Variants in DMBT1 observed in about 807,000 individuals in gnomAD.
DMBT1 encodes the protein scavenger receptor cysteine-rich domain-containing protein DMBT1.
Under a neutral mutation model 252.9 loss-of-function variants are expected in DMBT1, and 198 were observed. The ratio of observed to expected loss-of-function variants is 0.78; its 90% CI spans 0.70 to 0.88. The LOEUF (loss-of-function observed/expected upper bound fraction) is 0.88, where lower values mean the gene tolerates loss of function less well. DMBT1 is among the 40% of genes least tolerant of loss of function. DMBT1 has a pLI of 0.00. For synonymous variants in DMBT1, 990 were observed against 942.7 expected (o/e 1.05, Z -0.92); for missense variants, 2,432 against 2,404.7 (o/e 1.01, Z -0.24).
chr10:122,577,638 G>T (rs963159364), intron 7 of DMBT1, among the ~76,000 whole-genome samples, 173 bp from the exon 8 acceptor site: 4 of 152,178 alleles, frequency 2.6e-5, no homozygotes, highest in Non-Finnish European at 4.4e-5. Flanking sequence ...AATGCCAGGG[G>T]CTGTGGGGTC....
intron 40 of DMBT1, 91 bp downstream of exon 40, chr10:122,617,351 C>T: frequency 6.8e-7 from 1 of 1,467,340 alleles, no homozygotes; most frequent in East Asian, 2.5e-5. Context: ...AGGTGGGCCC[C>T]TCTCTTTTCA....
chr10:122,585,870 G>A (rs2097785131), intron 15 of DMBT1, among the ~76,000 whole-genome samples, 190 bp from the exon 16 acceptor site: 1 of 148,892 alleles, frequency 6.7e-6, no homozygotes, highest in Non-Finnish European at 1.5e-5. Context: ...CCAAACTTGA[G>A]CCTTCATAAA....
chr10:122,576,532 C>A lies in DMBT1; in HGVS notation c.417C>A (p.Val139=). 1.2e-6 allele frequency: 2 copies of A among 1,613,986 alleles called. No homozygotes were observed. The highest frequency in any genetic ancestry group is 1.7e-6 in the Non-Finnish European group (2 of 1,179,884). Residue 139 remains valine, a synonymous_variant, in exon 7 of 56, where the codon GTC becomes GTA. Coordinates refer to ENST00000338354, the MANE Select transcript of DMBT1 (RefSeq NM_001377530.1). ...DSWDTNDANV[V]CRQLGCGWAM... ...GGGACACCAATGATGCCAACGTGGT[C>A]TGTAGGCAGCTGGGTTGTGGCTGGG...
chr10:122,590,726 C>T (rs779225049), intron 18 of DMBT1, 32 bp downstream of exon 18: 1 of 1,581,720 alleles, frequency 6.3e-7, no homozygotes, highest in Non-Finnish European at 8.6e-7. Flanking sequence ...TTGGGATGTC[C>T]CTTTTCTTTC....
At chr10:122,642,716 G>T (rs1222123714) in intron 55 of DMBT1, among the ~76,000 whole-genome samples, 1 of 152,142 alleles carries the variant, frequency 6.6e-6, no homozygotes, top group Non-Finnish European at 1.5e-5. Context: ...CACCAGGTGA[G>T]AGAAGGGAAG....
chr10:122,625,192 T>G, intron 44 of DMBT1, 85 bp from the exon 45 acceptor site: 59 of 1,317,390 alleles, frequency 4.5e-5, no homozygotes, highest in Non-Finnish European at 5.4e-5. Flanking sequence ...TTCTAAGTGA[T>G]GAGATGGGGA....
At chr10:122,625,346 A>G in intron 45 of DMBT1, 43 bp downstream of exon 45, 1 of 1,577,000 alleles carries the variant, frequency 6.3e-7, no homozygotes, top group Non-Finnish European at 8.7e-7. Context: ...TCTCTTGGGA[A>G]TTCCACCCTC....
In DMBT1 at chr10:122,637,119, G is replaced by A. The variant is rs2098233317; in HGVS notation, c.6758-9G>A. 1 of 1,612,894 alleles carries A rather than the reference G, an allele frequency of 6.2e-7. No homozygotes were observed. The highest frequency in any genetic ancestry group is 8.5e-7 in the Non-Finnish European group (1 of 1,179,416). On this transcript the variant is annotated splice_polypyrimidine_tract_variant and intron_variant, in intron 53 of 55. Transcript: ENST00000338354. ...GTGACTGAGTGCCTTATCTGTCCTT[G>A]TCTATCAGACCTGCTCTGTCTGCCA...
chr10:122,579,569 C>A lies in DMBT1; in HGVS notation c.680-9C>A. On this transcript the variant is annotated splice_polypyrimidine_tract_variant and intron_variant, in intron 9 of 55. Transcript: ENST00000338354. ...GGGATGGATGAAGGGTTCTTGTGTT[C>A]CCCTGTAGGATCTGAATCCAGTTTG... 6.2e-7 allele frequency: 1 copy of A among 1,612,310 alleles called. No homozygotes were observed. The highest frequency in any genetic ancestry group is 2.2e-5 in the East Asian group (1 of 44,888).
intron 55 of DMBT1, among the ~76,000 whole-genome samples, chr10:122,642,858 T>C (rs574669180): frequency 1.3e-5 from 2 of 152,320 alleles, no homozygotes; most frequent in Admixed American, 6.5e-5. Context: ...CAACCCACTG[T>C]GCAGTATGGG....
chr10:122,632,444 A>G (rs559489512), intron 50 of DMBT1, among the ~76,000 whole-genome samples: 3 of 151,778 alleles, frequency 2.0e-5, no homozygotes, highest in African/African-American at 7.2e-5. Flanking sequence ...TCTGCTCCCT[A>G]TGCTTGGTGC....
intron 27 of DMBT1, among the ~76,000 whole-genome samples, chr10:122,600,368 C>A (rs1335262554): frequency 6.6e-6 from 1 of 152,082 alleles, no homozygotes; most frequent in Non-Finnish European, 1.5e-5. Context: ...CAGGAAGTGG[C>A]CCCATGTTTA....
At chr10:122,578,200 G>A (rs1285261075) in intron 8 of DMBT1, among the ~76,000 whole-genome samples, 1 of 152,146 alleles carries the variant, frequency 6.6e-6, no homozygotes, top group African/African-American at 2.4e-5. Context: ...TGAAGGCAAG[G>A]TCAGTACAGG....
intron 1 of DMBT1, among the ~76,000 whole-genome samples, chr10:122,562,558 T>C: frequency 6.6e-6 from 1 of 152,232 alleles, no homozygotes; most frequent in East Asian, 1.9e-4. Flanking sequence ...CTCTTGTCAG[T>C]ACCGAGTTCA....
At position 122,643,171 on chromosome 10, in the gene DMBT1, A is replaced by T; in HGVS notation, c.7402A>T (p.Ile2468Phe). The part of the protein sequence containing the change: ...YGPYSSPSLR[I>F]ARFRFRAFHF... ...ACCCTACTCCTCGCCATCTCTTCGCATTGCCCGCTTCCGGTTCAGGGCCTT... is the reference window on the plus strand; with the variant it reads ...ACCCTACTCCTCGCCATCTCTTCGCTTTGCCCGCTTCCGGTTCAGGGCCTT... Residue 2468 changes from isoleucine to phenylalanine, a missense_variant, in exon 56 of 56, where the codon ATT becomes TTT. Physicochemically the swap from Ile to Phe is conservative, Grantham distance 21 (BLOSUM62 0). Around this residue, in one of 3 missense-constraint regions of DMBT1, gnomAD observed 1,162 missense variants for 1,169.0 expected, o/e 0.99. Transcript: ENST00000338354. 4 of 1,613,852 alleles carry T rather than the reference A, an allele frequency of 2.5e-6. No individual in the cohort carries two copies. Among genetic ancestry groups the T allele is most frequent in the Non-Finnish European group, 3.4e-6 (4 of 1,179,860 alleles).
chr10:122,577,290 G>A (rs952167868), intron 7 of DMBT1, among the ~76,000 whole-genome samples: 1 of 152,166 alleles, frequency 6.6e-6, no homozygotes, highest in African/African-American at 2.4e-5. Flanking sequence ...TGACCCAGAG[G>A]GAAGGATGCA....
intron 8 of DMBT1, 82 bp downstream of exon 8, chr10:122,577,922 C>A: frequency 1.4e-6 from 2 of 1,468,582 alleles, no homozygotes; most frequent in Non-Finnish European, 1.9e-6. Flanking sequence ...AGCCCTCCTG[C>A]TTCTCTGCAG....
chr10:122,640,715 CT>C (rs1179834779), intron 55 of DMBT1, among the ~76,000 whole-genome samples: 3 of 152,126 alleles, frequency 2.0e-5, no homozygotes, highest in Non-Finnish European at 4.4e-5. Context: ...AGATGGGTTT[CT>C]GGAGAATAGA....
chr10:122,573,897 G>A (rs551877365), intron 6 of DMBT1, 135 bp downstream of exon 6: 49 of 1,109,078 alleles, frequency 4.4e-5, no homozygotes, highest in Non-Finnish European at 6.1e-5. Flanking sequence ...TCCACAAAAG[G>A]CCTCAGGTCT....
Sources: gnomAD v4.1 joint callset for allele counts (sites outside exome capture counted in the v4.1 genomes callset) on GRCh38, gnomAD v4.1.1 for gene constraint, gnomAD v4.1.1 regional missense constraint, MANE v1.5 for transcripts, NCBI Gene and HGNC (gene_info 2026-07-23, HGNC 2026-07-21) for gene names.